Variants in SPATA13 observed in about 807,000 individuals in gnomAD.
SPATA13 encodes the protein spermatogenesis-associated protein 13.
A neutral mutation model predicts 104.0 loss-of-function variants in SPATA13; 50 were observed. The ratio of observed to expected loss-of-function variants is 0.48; its 90% CI spans 0.38 to 0.61. The LOEUF is 0.61. SPATA13 is among the 20% of genes least tolerant of loss of function. The pLI is 0.00. For missense variants in SPATA13, 1,524 were observed against 1,690.6 expected (o/e 0.90, Z 1.73); for synonymous variants, 606 against 667.5 (o/e 0.91, Z 1.42).
intron 2 of SPATA13, among the ~76,000 whole-genome samples, chr13:24,240,905 T>G (rs1872800169): frequency 6.6e-6 from 1 of 152,230 alleles, no homozygotes; most frequent in Non-Finnish European, 1.5e-5. Context: ...ATTCATTGTT[T>G]TAAAATGTTT....
rs765455230 is a variant in SPATA13, at chr13:24,290,784, G to A, written c.2980G>A (p.Asp994Asn). The A allele has an allele frequency of 6.2e-7, 1 of 1,614,086 alleles. No individual in the cohort carries two copies. The highest frequency in any genetic ancestry group is 1.7e-5 in the Admixed American group (1 of 59,996). ...CTGCCGCCTGCTGCAGCAGATGATT[G>A]ACATCGCCATCGACGGGTTCCTGCT... ...EACRLLQQMI[D>N]IAIDGFLLTP... The change falls in exon 9 of 13, where the codon GAC becomes AAC. Residue 994 changes from aspartate to asparagine, a missense_variant. Asp to Asn is a conservative substitution (Grantham distance 23). Transcript: ENST00000382108.
At chr13:24,256,577 TA>T (rs1035692487) in intron 4 of SPATA13, among the ~76,000 whole-genome samples, 3 of 152,046 alleles carry the variant, frequency 2.0e-5, no homozygotes, top group Non-Finnish European at 2.9e-5. Context: ...TTTTTTTTTT[TA>T]AAGAAATGAA....
chr13:24,051,228 C>T lies in SPATA13; in HGVS notation c.-112+33527C>T, dbSNP rs767612623. Among the ~76,000 whole-genome samples, 61 of 152,334 alleles carry T rather than the reference C, an allele frequency of 4.0e-4. No homozygotes were observed. Among genetic ancestry groups the T allele is most frequent in the South Asian group, 4.1e-4 (2 of 4,826 alleles). ...GCACATACCTTGTTGCAGTGGCCAC[C>T]TGACCTTCCAAGAGGACATGAACAG... On this transcript the variant is annotated intron_variant, in intron 3 of 14. Transcript: ENST00000424834. This position sits in a 1 kb window ranked among gnomAD's most constrained non-coding sequence, Gnocchi z 4.2.
chr13:24,088,640 T>TA lies in SPATA13; in HGVS notation c.-112+70946dup, dbSNP rs557932246. Among the ~76,000 whole-genome samples, 56 of 152,222 alleles carry TA rather than the reference T, an allele frequency of 3.7e-4. No individual in the cohort carries two copies. The highest frequency in any genetic ancestry group is 7.2e-4 in the Non-Finnish European group (49 of 68,016). ...CAATTTTCTCTTTCCCAAAATGGAA[T>TA]AAAAAAATCAAAGCTCAGAATCACT... On this transcript the variant is annotated intron_variant, in intron 3 of 14. Transcript: ENST00000424834. The surrounding 1 kb of genome is among the most constrained non-coding windows in gnomAD (Gnocchi z 4.3).
rs760340043 is a variant in SPATA13, at chr13:24,297,414, A to T, written c.3262A>T (p.Thr1088Ser). 5.0e-6 allele frequency: 8 copies of T among 1,613,908 alleles called. No homozygotes were observed. In the African/African-American group the frequency reaches 1.1e-4, roughly 22 times the overall value. The change falls in exon 11 of 13, where the codon ACC (threonine) becomes TCC (serine). Residue 1088 changes from threonine (T) to serine (S), a missense_variant. This residue lies in a region of SPATA13 where 435 missense variants were observed against 554.8 expected (regional missense o/e 0.78). Coordinates refer to ENST00000382108, the MANE Select transcript of SPATA13 (RefSeq NM_001166271.3). ...AGAATTGATTCATTCTGGGGAGCTG[A>T]CCAAAATCACTAAGCAAGGCAAAAG... ...SSELIHSGEL[T>S]KITKQGKSQQ...
At chr13:24,124,305 T>A (rs1298990265) in intron 3 of SPATA13, among the ~76,000 whole-genome samples, 1 of 152,222 alleles carries the variant, frequency 6.6e-6, no homozygotes, top group Non-Finnish European at 1.5e-5. Flanking sequence ...TTCTCATCTA[T>A]AAGATGAGGA....
intron 8 of SPATA13, among the ~76,000 whole-genome samples, chr13:24,289,574 A>G (rs191900366): frequency 6.0e-4 from 92 of 152,144 alleles, no homozygotes; most frequent in African/African-American, 2.1e-3. Context: ...TATGAGGTAG[A>G]TATGATTATC....
intron 1 of SPATA13, among the ~76,000 whole-genome samples, chr13:24,163,231 T>C (rs1882583003): frequency 6.6e-6 from 1 of 152,102 alleles, no homozygotes; most frequent in Admixed American, 6.5e-5. Context: ...ACCCCATCTC[T>C]AAAAAATAAA....
chr13:24,119,331 G>T (rs1289778806), intron 3 of SPATA13, among the ~76,000 whole-genome samples: 1 of 152,130 alleles, frequency 6.6e-6, no homozygotes, highest in Non-Finnish European at 1.5e-5. Context: ...CTTGAGCCAT[G>T]TTCCCAGGAA....
At chr13:24,212,782 A>T (rs957377309) in intron 1 of SPATA13, among the ~76,000 whole-genome samples, 1 of 152,248 alleles carries the variant, frequency 6.6e-6, no homozygotes, top group African/African-American at 2.4e-5. Context: ...GTGGATAGGC[A>T]GGCTCAGCCT....
chr13:24,043,902 G>A (rs1180308865), intron 3 of SPATA13, among the ~76,000 whole-genome samples: 1 of 152,172 alleles, frequency 6.6e-6, no homozygotes, highest in Non-Finnish European at 1.5e-5. Flanking sequence ...AGGGGTAGGT[G>A]GCAACTTTAA....
intron 3 of SPATA13, 34 bp from the exon 4 acceptor site, chr13:24,251,684 G>A (rs769151875): frequency 3.9e-5 from 63 of 1,610,532 alleles, no homozygotes; most frequent in South Asian, 1.1e-5. Flanking sequence ...CCACTTCCTG[G>A]TACCTCCTCA....
At chr13:24,074,691 G>T (rs1333063081) in intron 3 of SPATA13, among the ~76,000 whole-genome samples, 6 of 152,154 alleles carry the variant, frequency 3.9e-5, no homozygotes, top group African/African-American at 1.4e-4. Flanking sequence ...ACTGAATCCT[G>T]GTGGCCATTG....
chr13:24,271,019 T>TCTCTCTCTC, intron 4 of SPATA13: 1 of 739,324 alleles, frequency 1.4e-6, no homozygotes, highest in African/African-American at 1.8e-5. Context: ...CCACTCTCTC[T>TCTCTCTCTC]CACTCTCTCT....
At chr13:24,176,785 G>A (rs1157330269) in intron 1 of SPATA13, among the ~76,000 whole-genome samples, 1 of 152,122 alleles carries the variant, frequency 6.6e-6, no homozygotes. Flanking sequence ...TCATGCTGTA[G>A]TATATAATTT....
intron 10 of SPATA13, 113 bp downstream of exon 10, chr13:24,294,981 A>G: frequency 9.0e-7 from 1 of 1,115,658 alleles, no homozygotes. Flanking sequence ...CTTGGCTTTA[A>G]TGGTACATAT....
intron 1 of SPATA13, among the ~76,000 whole-genome samples, chr13:24,170,114 A>G (rs1197810385): frequency 6.6e-6 from 1 of 152,158 alleles, no homozygotes; most frequent in Non-Finnish European, 1.5e-5. Flanking sequence ...TAGGCCTCAA[A>G]TATCTGCAGG....
intron 1 of SPATA13, among the ~76,000 whole-genome samples, chr13:24,190,010 T>A (rs191993308): frequency 1.4e-4 from 1 of 6,986 alleles, no homozygotes; most frequent in African/African-American, 1.7e-4. Context: ...AATAATATAT[T>A]ATTATATAAC....
chr13:24,051,677 A>G lies in SPATA13; in HGVS notation c.-112+33976A>G, dbSNP rs553938515. ...ACTTAGGGGCAAGGGGAAGCTGAGA[A>G]GAGATTACACAGAGGAGATGATATG... On this transcript the variant is annotated intron_variant, in intron 3 of 14. Transcript: ENST00000424834. The surrounding 1 kb of genome is among the most constrained non-coding windows in gnomAD (Gnocchi z 4.2). Among the ~76,000 whole-genome samples the G allele has an allele frequency of 2.0e-4, 31 of 152,260 alleles. No homozygotes were observed. Among genetic ancestry groups the G allele is most frequent in the East Asian group, 1.9e-4 (1 of 5,166 alleles).
Sources: allele counts gnomAD v4.1 joint callset (sites outside exome capture counted in the v4.1 genomes callset), GRCh38; gene constraint gnomAD v4.1.1; regional missense constraint gnomAD v4.1.1; non-coding constraint Gnocchi (gnomAD v3.1); transcripts MANE v1.5; gene names NCBI Gene and HGNC (gene_info 2026-07-23, HGNC 2026-07-21).